Variants in FBXO31 observed in about 807,000 individuals in gnomAD.
The protein encoded by FBXO31 is F-box protein 31.
FBXO31 carries 24 observed loss-of-function variants against 54.4 expected under a neutral mutation model. The observed-to-expected ratio is 0.44, with a 90% CI of 0.32 to 0.62. The LOEUF (loss-of-function observed/expected upper bound fraction) is 0.62. Ranked by LOEUF, FBXO31 falls within the 20% of genes least tolerant of loss-of-function variation. The pLI is 0.05. For synonymous variants in FBXO31, 388 were observed against 335.6 expected (o/e 1.16, Z -1.71); for missense variants, 665 against 787.1 (o/e 0.84, Z 1.86).
chr16:87,383,695 C>T lies in FBXO31; in HGVS notation c.50G>A (p.Arg17Gln). ...LCGVGPSRGC[R>Q]RRQQRRGPAE... The stretch of plus-strand genomic sequence containing the variant: ...CGGGCCCCGGCGCTGCTGGCGGCGC[C>T]GACATCCGCGCGACGGGCCCACGCC... The change falls in exon 1 of 9, where the codon CGG (arginine) becomes CAG (glutamine). Residue 17 changes from arginine to glutamine, a missense_variant. Coordinates refer to ENST00000311635, the MANE Select transcript of FBXO31 (RefSeq NM_024735.5). The surrounding 1 kb of genome is among the most constrained non-coding windows in gnomAD (Gnocchi z 4.9). 7.9e-7 allele frequency: 1 copy of T among 1,269,710 alleles called. No individual in the cohort carries two copies. The highest frequency in any genetic ancestry group is 9.9e-7 in the Non-Finnish European group (1 of 1,014,692). 78.7% of individuals were successfully genotyped at this position (1,269,710 alleles called of 1,614,324 possible).
At chr16:87,381,202 T>C (rs1272547685) in intron 1 of FBXO31, among the ~76,000 whole-genome samples, 1 of 152,190 alleles carries the variant, frequency 6.6e-6, no homozygotes, top group Non-Finnish European at 1.5e-5. Context: ...GACAAAAATC[T>C]TGTATTACTA....
intron 5 of FBXO31, among the ~76,000 whole-genome samples, chr16:87,339,714 C>T (rs1269372740): frequency 1.3e-5 from 2 of 152,210 alleles, no homozygotes; most frequent in African/African-American, 2.4e-5. Context: ...AAGCGTGCTG[C>T]TATTCCAATT....
intron 1 of FBXO31, among the ~76,000 whole-genome samples, chr16:87,381,781 T>C (rs754188099): frequency 6.6e-6 from 1 of 151,936 alleles, no homozygotes; most frequent in African/African-American, 2.4e-5. Flanking sequence ...TCCCAACACT[T>C]TGGGAGGCCG....
Position 87,360,312 on chromosome 16 carries a change from C to G in FBXO31, c.395G>C (p.Arg132Pro). 6.2e-7 allele frequency: 1 copy of G among 1,614,170 alleles called. No homozygotes were observed. The highest frequency in any genetic ancestry group is 8.5e-7 in the Non-Finnish European group (1 of 1,180,022). Residue 132 changes from arginine to proline, a missense_variant, in exon 2 of 9, where the codon CGG becomes CCG. Around this residue, in one of 4 missense-constraint regions of FBXO31, gnomAD observed 234 missense variants for 346.8 expected, o/e 0.67. Coordinates refer to ENST00000311635, the MANE Select transcript of FBXO31 (RefSeq NM_024735.5). ...RKLEITGVSCRDVYAKLLHRY... is the reference protein window; with the variant it reads ...RKLEITGVSCPDVYAKLLHRY... ...TCACTCACGCTTCGCATAGACGTCC[C>G]GACAAGACACGCCTGTGATCTCCAG...
chr16:87,333,973 G>GA lies in FBXO31; in HGVS notation c.1309_1310insT (p.Pro437LeufsTer21). 6.2e-7 allele frequency: 1 copy of GA among 1,612,792 alleles called. No individual in the cohort carries two copies. Among genetic ancestry groups the GA allele is most frequent in the Non-Finnish European group, 8.5e-7 (1 of 1,179,826 alleles). ...CGGCTGCCCCTGCCCACACTGGGCA[G>GA]GCTGCTCGGCCGCAGCTACGGCATC... is the stretch of plus-strand genomic sequence containing the variant. On this transcript the variant is annotated frameshift_variant, in exon 8 of 9. Coordinates refer to ENST00000311635, the MANE Select transcript of FBXO31 (RefSeq NM_024735.5). LOFTEE classifies it high-confidence loss of function.
At position 87,334,012 on chromosome 16, in the gene FBXO31, C is replaced by G; in HGVS notation, c.1271G>C (p.Gly424Ala). ...KGPDGTPGED[G>A]GEPGDAVAAA... ...AGCTACGGCATCCCCAGGCTCGCCA[C>G]CATCCTCACCAGGTGTCCCATCTGG... The change falls in exon 8 of 9, where the codon GGT becomes GCT. Residue 424 changes from glycine to alanine, a missense_variant. This residue lies in a region of FBXO31 where 165 missense variants were observed against 159.7 expected (regional missense o/e 1.03). Coordinates refer to ENST00000311635, the MANE Select transcript of FBXO31 (RefSeq NM_024735.5). The G allele has an allele frequency of 6.2e-7, 1 of 1,612,810 alleles. No individual in the cohort carries two copies. Among genetic ancestry groups the G allele is most frequent in the Non-Finnish European group, 8.5e-7 (1 of 1,179,784 alleles).
intron 1 of FBXO31, among the ~76,000 whole-genome samples, chr16:87,371,120 T>G (rs577476435): frequency 6.6e-6 from 1 of 152,250 alleles, no homozygotes; most frequent in South Asian, 2.1e-4. Flanking sequence ...CAGGATAGAA[T>G]GGAAAAAACA....
rs750898027 is a variant in FBXO31, at chr16:87,343,717, G to C, written c.538C>G (p.Pro180Ala). Residue 180 changes from proline to alanine, a missense_variant, in exon 4 of 9, where the codon CCC (proline) becomes GCC (alanine). By Grantham distance (27) the Pro-to-Ala change is conservative. This residue lies in a region of FBXO31 where 234 missense variants were observed against 346.8 expected (regional missense o/e 0.67). Coordinates refer to ENST00000311635, the MANE Select transcript of FBXO31 (RefSeq NM_024735.5). Reference sequence around the variant, plus strand: ...AATCTCATAGGGTCATCGACGTGGGGGTCATGGGGAGGCAGGTACATCCAC... The same window carrying C: ...AATCTCATAGGGTCATCGACGTGGGCGTCATGGGGAGGCAGGTACATCCAC... The part of the protein sequence containing the change: ...IGWMYLPPHD[P>A]HVDDPMRFKP... 3 of 1,614,148 alleles carry C rather than the reference G, an allele frequency of 1.9e-6. No individual in the cohort carries two copies. The highest frequency in any genetic ancestry group is 1.7e-6 in the Non-Finnish European group (2 of 1,180,054).
chr16:87,377,380 AG>A (rs2150697056), intron 1 of FBXO31, among the ~76,000 whole-genome samples: 1 of 152,296 alleles, frequency 6.6e-6, no homozygotes, highest in South Asian at 2.1e-4. Flanking sequence ...GGAGAAGTCA[AG>A]GCCACAGTGA....
chr16:87,361,590 G>A (rs1193326320), intron 1 of FBXO31, among the ~76,000 whole-genome samples: 3 of 152,240 alleles, frequency 2.0e-5, no homozygotes, highest in South Asian at 2.1e-4. Context: ...ATACAGGAAC[G>A]TCGATACGAT....
chr16:87,337,919 G>A (rs1402783386), intron 5 of FBXO31, among the ~76,000 whole-genome samples: 2 of 151,666 alleles, frequency 1.3e-5, no homozygotes, highest in Middle Eastern at 6.8e-3. Flanking sequence ...AACCATAAAA[G>A]AAAACAAAAA....
upstream of FBXO31, among the ~76,000 whole-genome samples, chr16:87,390,846 C>G (rs555048281): frequency 1.5e-4 from 23 of 152,288 alleles, no homozygotes; most frequent in African/African-American, 4.8e-4. Flanking sequence ...ATCCTCCCAG[C>G]CTCTGCCTCC....
At chr16:87,365,237 CA>C (rs1451053987) in intron 1 of FBXO31, among the ~76,000 whole-genome samples, 4 of 151,086 alleles carry the variant, frequency 2.6e-5, no homozygotes, top group Admixed American at 6.6e-5. Context: ...AGGGGAGCCT[CA>C]AAAGGCTCCT....
intron 1 of FBXO31, among the ~76,000 whole-genome samples, chr16:87,366,111 G>A (rs1447439715): frequency 1.3e-5 from 2 of 152,170 alleles, no homozygotes; most frequent in East Asian, 1.9e-4. Flanking sequence ...CAGCCCAGAG[G>A]AGGCACGAGG....
intron 1 of FBXO31, among the ~76,000 whole-genome samples, chr16:87,374,230 C>G (rs1255915323): frequency 1.3e-5 from 2 of 151,460 alleles, no homozygotes; most frequent in Non-Finnish European, 2.9e-5. Context: ...CAACAGAGGC[C>G]CTGTCTCCAC....
rs1444405827 is a variant in FBXO31, at chr16:87,346,702, G to T, written c.489+472C>A. Among the ~76,000 whole-genome samples, 1 of 152,252 alleles carries T rather than the reference G, an allele frequency of 6.6e-6. No individual in the cohort carries two copies. Among genetic ancestry groups the T allele is most frequent in the African/African-American group, 2.4e-5 (1 of 41,468 alleles). ...CCAGAGCTCAACAAAGTCAGAGCAG[G>T]GCTTTCCGTTCGAGAGGCTCCAGTA... On this transcript the variant is annotated intron_variant, in intron 3 of 8. Transcript: ENST00000311635. The surrounding 1 kb of genome is among the most constrained non-coding windows in gnomAD (Gnocchi z 4.2).
At chr16:87,344,797 C>A (rs967952528) in intron 3 of FBXO31, among the ~76,000 whole-genome samples, 1 of 152,232 alleles carries the variant, frequency 6.6e-6, no homozygotes, top group South Asian at 2.1e-4. Flanking sequence ...CGACGCCCAA[C>A]ACAACAAACG....
At chr16:87,347,775 T>C (rs1029225056) in intron 2 of FBXO31, among the ~76,000 whole-genome samples, 1 of 149,504 alleles carries the variant, frequency 6.7e-6, no homozygotes, top group Admixed American at 6.7e-5. Context: ...CTCCCATCAA[T>C]GGGGGGAAAT....
rs1158310535 is a variant in FBXO31 at position 87,327,170 on chromosome 16, T to C, written c.*4118A>G. On this transcript the variant is annotated 3_prime_UTR_variant, in exon 9 of 9. Coordinates refer to ENST00000311635, the MANE Select transcript of FBXO31 (RefSeq NM_024735.5). ...CTCATGATCAGATGGCACAGCGCTTTCCTAATGCAGGCAGGCTACATGGCC... is the reference window on the plus strand; with the variant it reads ...CTCATGATCAGATGGCACAGCGCTTCCCTAATGCAGGCAGGCTACATGGCC... 2 of 152,658 alleles carry C rather than the reference T, an allele frequency of 1.3e-5. No individual in the cohort carries two copies. The highest frequency in any genetic ancestry group is 2.9e-5 in the Non-Finnish European group (2 of 68,438). 9.5% of individuals were successfully genotyped at this position (152,658 alleles called of 1,614,324 possible).
Sources: allele counts gnomAD v4.1 joint callset (sites outside exome capture counted in the v4.1 genomes callset), GRCh38; gene constraint gnomAD v4.1.1; regional missense constraint gnomAD v4.1.1; non-coding constraint Gnocchi (gnomAD v3.1); transcripts MANE v1.5; gene names NCBI Gene and HGNC (gene_info 2026-07-23, HGNC 2026-07-21).